Variants in PCDH11X observed in about 807,000 individuals in gnomAD.
The protein encoded by PCDH11X is protocadherin-11 X-linked.
In PCDH11X, 18 loss-of-function variants were observed where a neutral mutation model predicts 53.3. The observed-to-expected ratio is 0.34, with a 90% CI of 0.23 to 0.50. The LOEUF is 0.50. Among genes scored for constraint, PCDH11X ranks in the 20% least tolerant of loss-of-function variants. The pLI is 0.98. For synonymous variants in PCDH11X, 279 were observed against 393.3 expected, an observed-to-expected ratio of 0.71 and a Z score of 3.44; for missense variants, 570 against 1,032.4, an observed-to-expected ratio of 0.55 and a Z score of 6.14.
At chrX:91,842,388 G>C (rs1285953302) in intron 5 of PCDH11X, among the ~76,000 whole-genome samples, 1 of 107,387 alleles carries the variant, frequency 9.3e-6, no homozygotes, top group African/African-American at 3.5e-5. Flanking sequence ...TTTTTTCATT[G>C]GTCTTTTGCT....
chrX:91,781,035 G>A (rs1173084730), intron 1 of PCDH11X, among the ~76,000 whole-genome samples: 2 of 112,356 alleles, frequency 1.8e-5, no homozygotes, highest in African/African-American at 6.5e-5. Context: ...AGCGCTTACG[G>A]GTGAGCCCTA....
chrX:92,226,062 A>AAC (rs1361955094), intron 7 of PCDH11X, among the ~76,000 whole-genome samples: 2 of 111,765 alleles, frequency 1.8e-5, no homozygotes, highest in Non-Finnish European at 3.8e-5. Context: ...GGAATATTAA[A>AAC]ACACACACAC....
At chrX:92,148,740 A>C (rs1430194862) in intron 6 of PCDH11X, among the ~76,000 whole-genome samples, 1 of 107,845 alleles carries the variant, frequency 9.3e-6, no homozygotes, top group African/African-American at 3.4e-5. Flanking sequence ...AAACATTGAC[A>C]TACATGTATA....
intron 6 of PCDH11X, among the ~76,000 whole-genome samples, chrX:92,102,124 C>T (rs2148137692): frequency 9.0e-6 from 1 of 110,745 alleles, no homozygotes; most frequent in South Asian, 3.9e-4. Flanking sequence ...TGTGGGAGGC[C>T]AGATTGAAGT....
chrX:92,334,012 T>G (rs939179949), intron 8 of PCDH11X, among the ~76,000 whole-genome samples: 6 of 111,439 alleles, frequency 5.4e-5, no homozygotes, highest in African/African-American at 1.6e-4. Flanking sequence ...TTGAACTGTA[T>G]GGATCCAGTT....
intron 8 of PCDH11X, among the ~76,000 whole-genome samples, chrX:92,321,187 T>G (rs201852206): frequency 1.0e-3 from 75 of 74,822 alleles, no homozygotes; most frequent in South Asian, 1.5e-3. Flanking sequence ...ACTGTAAGTT[T>G]TTTTTTGTTT....
intron 6 of PCDH11X, among the ~76,000 whole-genome samples, chrX:91,937,873 T>C (rs781699574): frequency 9.0e-6 from 1 of 111,424 alleles, no homozygotes; most frequent in East Asian, 2.9e-4. Context: ...AAATTCACTA[T>C]GTGTGCCTAT....
At chrX:92,340,190 G>T (rs1485642336) in intron 8 of PCDH11X, among the ~76,000 whole-genome samples, 1 of 111,425 alleles carries the variant, frequency 9.0e-6, no homozygotes, top group African/African-American at 3.3e-5. Context: ...GGCTCCCAAG[G>T]CTTTGGGCAG....
chrX:92,386,169 A>C (rs1157570988), intron 8 of PCDH11X, among the ~76,000 whole-genome samples: 1 of 111,046 alleles, frequency 9.0e-6, no homozygotes, highest in African/African-American at 3.3e-5. Flanking sequence ...CTAAAAACTA[A>C]AGAAGATTCA....
rs1409437679 is a variant in PCDH11X, at chrX:92,576,001, TATATATATATACAC to T, written c.3368-42261_3368-42248del. On this transcript the variant is annotated intron_variant, in intron 10 of 10. Transcript: ENST00000682573. ...GTGTATATATATATATATATATATA[TATATATATATACAC>T]ACACACACACACACACACACACAGG... is the stretch of plus-strand genomic sequence containing the variant. 9.5e-3 allele frequency among the ~76,000 whole-genome samples: 365 copies of T among 38,327 alleles called. 9 individuals are homozygous for T. Among genetic ancestry groups the T allele is most frequent in the African/African-American group, 0.038 (345 of 9,098 alleles). The allele number at this position is 38,327 out of a possible 115,157, so 33.3% of individuals were successfully genotyped here.
At chrX:92,212,946 T>A (rs1193489725) in intron 7 of PCDH11X, among the ~76,000 whole-genome samples, 1 of 112,555 alleles carries the variant, frequency 8.9e-6, no homozygotes, top group African/African-American at 3.2e-5. Context: ...AAAATGTGTA[T>A]GTTCTTTAGA....
At chrX:92,355,149 C>T (rs1318319339) in intron 8 of PCDH11X, among the ~76,000 whole-genome samples, 39 of 105,245 alleles carry the variant, frequency 3.7e-4, no homozygotes, top group South Asian at 4.7e-4. Flanking sequence ...ATTATTAGGC[C>T]GGGCGCGGTG....
intron 10 of PCDH11X, among the ~76,000 whole-genome samples, chrX:92,610,310 T>C (rs1927238346): frequency 9.0e-6 from 1 of 110,857 alleles, no homozygotes; most frequent in Non-Finnish European, 1.9e-5. Flanking sequence ...TGAGATAGAT[T>C]CTCATTGTGG....
chrX:92,484,180 TG>T, intron 10 of PCDH11X, among the ~76,000 whole-genome samples: 1 of 35,594 alleles, frequency 2.8e-5, no homozygotes, highest in East Asian at 1.9e-3. Flanking sequence ...TATATATGTA[TG>T]TATATATATG....
intron 6 of PCDH11X, among the ~76,000 whole-genome samples, chrX:91,989,158 A>G (rs1427581781): frequency 1.8e-5 from 2 of 110,950 alleles, no homozygotes; most frequent in African/African-American, 6.6e-5. Flanking sequence ...AGAAGGCCTC[A>G]AGAAAGTCCA....
chrX:92,517,161 C>G (rs137950586), intron 10 of PCDH11X, among the ~76,000 whole-genome samples: 1,837 of 110,969 alleles, frequency 0.017, 41 homozygotes, highest in African/African-American at 0.057. Context: ...TGATTCGAAC[C>G]TTCCCTATTC....
intron 6 of PCDH11X, among the ~76,000 whole-genome samples, chrX:92,190,143 A>G (rs1237238706): frequency 2.7e-5 from 3 of 111,729 alleles, no homozygotes; most frequent in Non-Finnish European, 5.6e-5. Context: ...GCCTGTGCTT[A>G]TGCCCTGAAT....
intron 8 of PCDH11X, among the ~76,000 whole-genome samples, chrX:92,332,048 G>A (rs1250206763): frequency 9.0e-6 from 1 of 110,862 alleles, no homozygotes; most frequent in East Asian, 2.8e-4. Context: ...CCATAACGAG[G>A]GTTTATATTC....
At chrX:92,109,148 G>T (rs2064448169) in intron 6 of PCDH11X, among the ~76,000 whole-genome samples, 1 of 111,308 alleles carries the variant, frequency 9.0e-6, no homozygotes, top group Non-Finnish European at 1.9e-5. Context: ...ACTTTGGGAG[G>T]CCGAGGCAGG....
Sources: gnomAD v4.1 joint callset for allele counts (sites outside exome capture counted in the v4.1 genomes callset) on GRCh38, gnomAD v4.1.1 for gene constraint, MANE v1.5 for transcripts, NCBI Gene and HGNC (gene_info 2026-07-23, HGNC 2026-07-21) for gene names.